Variants in SPOCK1 observed in about 807,000 individuals in gnomAD.
The protein encoded by SPOCK1 is SPARC (osteonectin), cwcv and kazal like domains proteoglycan 1, also known as testican-1.
In SPOCK1, 23 loss-of-function variants were observed where a neutral mutation model predicts 55.3. That is an observed-to-expected ratio of 0.42 (90% CI 0.30 to 0.59). The LOEUF (loss-of-function observed/expected upper bound fraction) is 0.59. Ranked by LOEUF, SPOCK1 falls within the 20% of genes least tolerant of loss-of-function variation. The pLI, the probability that SPOCK1 is intolerant of heterozygous loss-of-function variation, is 0.22. For synonymous variants in SPOCK1, 226 were observed against 221.0 expected (o/e 1.02, Z -0.20); for missense variants, 499 against 552.5 (o/e 0.90, Z 0.97).
intron 3 of SPOCK1, among the ~76,000 whole-genome samples, chr5:137,258,261 G>A (rs759483792): frequency 6.6e-6 from 1 of 152,234 alleles, no homozygotes; most frequent in Non-Finnish European, 1.5e-5. Flanking sequence ...CATTCTCTGA[G>A]ACTGCAAAGC....
At chr5:137,393,538 A>C (rs1246793008) in intron 2 of SPOCK1, among the ~76,000 whole-genome samples, 1 of 152,238 alleles carries the variant, frequency 6.6e-6, no homozygotes, top group Admixed American at 6.5e-5. Context: ...GTCGATTTGC[A>C]ACAGATAGCT....
In SPOCK1 at chr5:137,464,962, A is replaced by G. The variant is rs1753569423; in HGVS notation, c.186+33411T>C. ...ATCACCAATATTTAAAGGTTGAGAG[A>G]AAGAATATGACTCAGACAAAAAGAC... is the stretch of plus-strand genomic sequence containing the variant. On this transcript the variant is annotated intron_variant, in intron 2 of 10. Coordinates refer to ENST00000394945, the MANE Select transcript of SPOCK1 (RefSeq NM_004598.4). Among the ~76,000 whole-genome samples, 2 of 152,170 alleles carry G rather than the reference A, an allele frequency of 1.3e-5. 1 individual carries two copies. Among genetic ancestry groups the G allele is most frequent in the Admixed American group, 1.3e-4 (2 of 15,274 alleles).
intron 2 of SPOCK1, among the ~76,000 whole-genome samples, chr5:137,331,504 G>A (rs1227621233): frequency 6.6e-6 from 1 of 152,220 alleles, no homozygotes; most frequent in Non-Finnish European, 1.5e-5. Context: ...ATGAAGAAAA[G>A]AAGTTTAATT....
chr5:137,113,939 A>T (rs1325833891), intron 4 of SPOCK1, among the ~76,000 whole-genome samples: 3 of 152,342 alleles, frequency 2.0e-5, no homozygotes, highest in Admixed American at 6.5e-5. Context: ...CTTCCAAATG[A>T]AGGAAAGTGA....
chr5:136,986,524 G>A (rs773420995), intron 8 of SPOCK1, among the ~76,000 whole-genome samples: 8 of 151,950 alleles, frequency 5.3e-5, no homozygotes, highest in Non-Finnish European at 8.8e-5. Flanking sequence ...GAAAAATGAG[G>A]TATAAAAATT....
chr5:137,291,463 C>T (rs1362299138), intron 2 of SPOCK1, among the ~76,000 whole-genome samples: 1 of 152,210 alleles, frequency 6.6e-6, no homozygotes, highest in Non-Finnish European at 1.5e-5. Context: ...TAAGATCTCC[C>T]AGGTCCTACA....
intron 5 of SPOCK1, among the ~76,000 whole-genome samples, chr5:137,088,620 A>G (rs184208640): frequency 2.4e-4 from 37 of 152,326 alleles, no homozygotes; most frequent in Non-Finnish European, 1.5e-5. Context: ...CATGCCAGTC[A>G]TCTTTGTGTT....
intron 2 of SPOCK1, among the ~76,000 whole-genome samples, chr5:137,401,048 C>T (rs530214721): frequency 6.6e-6 from 1 of 152,116 alleles, no homozygotes; most frequent in South Asian, 2.1e-4. Context: ...GGGCCTGTCT[C>T]TCAACAGGGG....
intron 5 of SPOCK1, among the ~76,000 whole-genome samples, chr5:137,100,794 C>T (rs112426449): frequency 4.2e-4 from 64 of 152,072 alleles, no homozygotes; most frequent in South Asian, 8.3e-4. Flanking sequence ...AAGAAGGACA[C>T]CCTTGTTCAG....
At chr5:137,317,634 T>C (rs1454453987) in intron 2 of SPOCK1, among the ~76,000 whole-genome samples, 1 of 152,216 alleles carries the variant, frequency 6.6e-6, no homozygotes, top group Non-Finnish European at 1.5e-5. Flanking sequence ...TCCACAGGTA[T>C]TGTTCTTCAC....
chr5:137,111,251 G>A lies in SPOCK1; in HGVS notation c.474+1184C>T, dbSNP rs77831750. On this transcript the variant is annotated intron_variant, in intron 5 of 10. Transcript: ENST00000394945. ...GCAGTGGGAGCATGACAAGAAGGAG[G>A]TCCCAGCAGAAAGGCCCAAGAACCA... 2.9e-3 allele frequency among the ~76,000 whole-genome samples: 447 copies of A among 152,174 alleles called. 1 individual carries two copies. Among genetic ancestry groups the A allele is most frequent in the Non-Finnish European group, 4.8e-3 (326 of 68,000 alleles).
chr5:137,414,715 T>C (rs1480510223), intron 2 of SPOCK1, among the ~76,000 whole-genome samples: 1 of 152,212 alleles, frequency 6.6e-6, no homozygotes, highest in Non-Finnish European at 1.5e-5. Flanking sequence ...AGATTTACAT[T>C]TTCAGTAATT....
At chr5:137,262,039 A>G (rs1306952895) in intron 3 of SPOCK1, among the ~76,000 whole-genome samples, 1 of 152,216 alleles carries the variant, frequency 6.6e-6, no homozygotes, top group Non-Finnish European at 1.5e-5. Flanking sequence ...TGTTCAGCAA[A>G]AGTACTATAA....
At chr5:137,205,688 C>G (rs1304360968) in intron 3 of SPOCK1, among the ~76,000 whole-genome samples, 1 of 152,206 alleles carries the variant, frequency 6.6e-6, no homozygotes, top group Non-Finnish European at 1.5e-5. Flanking sequence ...ACAGCCACCA[C>G]TGAAGGTCAA....
intron 3 of SPOCK1, among the ~76,000 whole-genome samples, chr5:137,226,416 C>A (rs1405087647): frequency 1.3e-5 from 2 of 152,210 alleles, no homozygotes; most frequent in Non-Finnish European, 2.9e-5. Context: ...CAAAGGCATC[C>A]ACATTTATTC....
intron 5 of SPOCK1, among the ~76,000 whole-genome samples, chr5:137,094,079 A>G (rs1753098569): frequency 6.6e-6 from 1 of 152,222 alleles, no homozygotes; most frequent in Non-Finnish European, 1.5e-5. Flanking sequence ...AGAGTGAAGA[A>G]GACAAGGCTT....
At chr5:137,319,457 C>A (rs543053911) in intron 2 of SPOCK1, among the ~76,000 whole-genome samples, 1 of 152,328 alleles carries the variant, frequency 6.6e-6, no homozygotes, top group African/African-American at 2.4e-5. Flanking sequence ...TCTCCAAGAG[C>A]AAGTCCTTTT....
intron 2 of SPOCK1, among the ~76,000 whole-genome samples, chr5:137,404,246 G>A (rs1752046072): frequency 6.6e-6 from 1 of 152,166 alleles, no homozygotes; most frequent in African/African-American, 2.4e-5. Context: ...CCGTCAGAAG[G>A]GGCAGCTGCT....
chr5:137,295,815 GC>G (rs1415677599), intron 2 of SPOCK1, among the ~76,000 whole-genome samples: 2 of 152,026 alleles, frequency 1.3e-5, no homozygotes, highest in African/African-American at 4.8e-5. Context: ...AATACACATG[GC>G]ATACTACTTC....
Sources: gnomAD v4.1 joint callset for allele counts (sites outside exome capture counted in the v4.1 genomes callset) on GRCh38, gnomAD v4.1.1 for gene constraint, MANE v1.5 for transcripts, NCBI Gene and HGNC (gene_info 2026-07-23, HGNC 2026-07-21) for gene names.